The following NELL2 variants were observed in gnomAD, a reference collection of about 807,000 sequenced individuals.
NELL2 encodes neural EGFL like 2.
Under a neutral mutation model 109.6 loss-of-function variants are expected in NELL2, and 41 were observed. That is an observed-to-expected ratio of 0.37 (90% CI 0.29 to 0.49). The LOEUF (loss-of-function observed/expected upper bound fraction) is 0.49, where lower values mean the gene tolerates loss of function less well. Among genes scored for constraint, NELL2 ranks in the 20% least tolerant of loss-of-function variants. NELL2 has a pLI of 0.98. For synonymous variants in NELL2, 355 were observed against 344.7 expected (o/e 1.03, Z -0.33); for missense variants, 900 against 1,008.3 (o/e 0.89, Z 1.45).
At chr12:44,745,728 T>C (rs1031928522) in intron 9 of NELL2, among the ~76,000 whole-genome samples, 2 of 152,106 alleles carry the variant, frequency 1.3e-5, no homozygotes, top group Non-Finnish European at 2.9e-5. Context: ...TACCTGGGAA[T>C]CCAACTTAGA....
At chr12:44,819,363 C>T (rs1017730534) in intron 2 of NELL2, among the ~76,000 whole-genome samples, 4 of 152,188 alleles carry the variant, frequency 2.6e-5, no homozygotes, top group Non-Finnish European at 5.9e-5. Context: ...TTAGATTTCA[C>T]ATATTTTAAA....
intron 3 of NELL2, among the ~76,000 whole-genome samples, chr12:44,808,823 T>C (rs1943085025): frequency 6.6e-6 from 1 of 151,994 alleles, no homozygotes; most frequent in South Asian, 2.1e-4. Flanking sequence ...CATACATAAA[T>C]ACATTTTTAC....
chr12:44,585,636 G>A (rs988247593), intron 15 of NELL2, among the ~76,000 whole-genome samples: 1 of 152,094 alleles, frequency 6.6e-6, no homozygotes, highest in Non-Finnish European at 1.5e-5. Flanking sequence ...GTAGTAAGTA[G>A]TAATAGCAAG....
intron 1 of NELL2, among the ~76,000 whole-genome samples, chr12:44,904,385 T>C (rs1367868155): frequency 2.6e-5 from 4 of 152,174 alleles, no homozygotes; most frequent in Non-Finnish European, 5.9e-5. Flanking sequence ...TAAAGGAATA[T>C]GTGTAGAAGT....
chr12:44,700,782 G>C (rs963413585), intron 12 of NELL2, among the ~76,000 whole-genome samples: 7 of 152,028 alleles, frequency 4.6e-5, no homozygotes, highest in African/African-American at 1.7e-4. Context: ...TATCTTCTTC[G>C]CCTGACAGAA....
intron 1 of NELL2, among the ~76,000 whole-genome samples, chr12:44,882,312 AAAC>A (rs2136859359): frequency 6.6e-6 from 1 of 151,848 alleles, no homozygotes; most frequent in African/African-American, 2.4e-5. Context: ...TGGTGGATTA[AAAC>A]AACACAGATT....
At chr12:44,575,218 G>C (rs1267373566) in intron 15 of NELL2, among the ~76,000 whole-genome samples, 1 of 152,160 alleles carries the variant, frequency 6.6e-6, no homozygotes, top group Admixed American at 6.5e-5. Flanking sequence ...AGAAATTCGT[G>C]AGCACAATGG....
At chr12:44,720,053 A>C (rs1938688280) in intron 9 of NELL2, among the ~76,000 whole-genome samples, 1 of 152,156 alleles carries the variant, frequency 6.6e-6, no homozygotes, top group African/African-American at 2.4e-5. Flanking sequence ...AACTGGACTC[A>C]CTTGGAGTCA....
chr12:44,552,276 C>A (rs1943069420), intron 15 of NELL2, among the ~76,000 whole-genome samples: 2 of 152,152 alleles, frequency 1.3e-5, no homozygotes, highest in Non-Finnish European at 2.9e-5. Flanking sequence ...TTTCCCTCTT[C>A]ATTCTTCAAT....
At chr12:44,524,447 G>C (rs746527795) in intron 16 of NELL2, among the ~76,000 whole-genome samples, 1 of 152,172 alleles carries the variant, frequency 6.6e-6, no homozygotes, top group Non-Finnish European at 1.5e-5. Context: ...ATTAAATCAT[G>C]GCAGAAGTGG....
intron 15 of NELL2, among the ~76,000 whole-genome samples, chr12:44,540,962 T>C (rs977435912): frequency 6.6e-5 from 10 of 151,718 alleles, no homozygotes; most frequent in Admixed American, 4.6e-4. Context: ...ATAGAGATAA[T>C]TGGCCGGGCG....
chr12:44,838,265 C>T (rs1476507330), intron 2 of NELL2, among the ~76,000 whole-genome samples: 1 of 152,048 alleles, frequency 6.6e-6, no homozygotes, highest in African/African-American at 2.4e-5. Flanking sequence ...TGGTGTTCCC[C>T]AGTGCACAAA....
At chr12:44,795,899 T>G (rs1211325961) in intron 3 of NELL2, among the ~76,000 whole-genome samples, 1 of 152,128 alleles carries the variant, frequency 6.6e-6, no homozygotes, top group Non-Finnish European at 1.5e-5. Context: ...GCATCCCTTA[T>G]TAGAAATATC....
In NELL2 at chr12:44,875,857, C is replaced by G; in HGVS notation, c.13G>C (p.Val5Leu). The G allele has an allele frequency of 6.2e-7, 1 of 1,613,998 alleles. No individual in the cohort carries two copies. The highest frequency in any genetic ancestry group is 8.5e-7 in the Non-Finnish European group (1 of 1,180,040). The change falls in exon 1 of 20, where the codon GTC becomes CTC. Residue 5 changes from valine to leucine, a missense_variant. By Grantham distance (32) the Val-to-Leu change is conservative. Around this residue, in one of 4 missense-constraint regions of NELL2, gnomAD observed 200 missense variants for 191.8 expected, o/e 1.04. Coordinates refer to ENST00000429094, the MANE Select transcript of NELL2 (RefSeq NM_001145108.2). ...ATCAAACAGAATGTTCTCAGTAAGA[C>G]CCGAGACTCCATGGTGCGGATCAGC... MESR[V>L]LLRTFCLIFG...
At chr12:44,782,598 T>C (rs1942005739) in intron 3 of NELL2, among the ~76,000 whole-genome samples, 1 of 151,896 alleles carries the variant, frequency 6.6e-6, no homozygotes, top group African/African-American at 2.4e-5. Context: ...GAAATGGCTA[T>C]ATTAATTTCA....
Position 44,585,373 on chromosome 12 carries a change from A to T in NELL2, c.1663+21796T>A, listed in dbSNP as rs191148117. Among the ~76,000 whole-genome samples, 50 of 152,194 alleles carry T rather than the reference A, an allele frequency of 3.3e-4. No individual in the cohort carries two copies. The East Asian group carries it at 8.5e-3, about 26-fold the overall frequency. On this transcript the variant is annotated intron_variant, in intron 15 of 19. Transcript: ENST00000429094. ...TCCCAGAACTTTGGGAGGCTGAGGG[A>T]GGCGGATCATCTGAGGTCAGGAGTT... is the stretch of plus-strand genomic sequence containing the variant.
intron 12 of NELL2, among the ~76,000 whole-genome samples, chr12:44,683,635 G>A (rs1332390221): frequency 6.6e-6 from 1 of 152,016 alleles, no homozygotes; most frequent in East Asian, 1.9e-4. Flanking sequence ...ATGAAGGGTT[G>A]CTGAATTTTG....
chr12:44,632,779 C>T (rs1202753980), intron 13 of NELL2, among the ~76,000 whole-genome samples: 1 of 151,804 alleles, frequency 6.6e-6, no homozygotes, highest in African/African-American at 2.4e-5. Context: ...GAAGAGATAC[C>T]CTGACCAAAT....
chr12:44,825,022 T>C (rs1351910014), intron 2 of NELL2, among the ~76,000 whole-genome samples: 6 of 152,166 alleles, frequency 3.9e-5, no homozygotes, highest in African/African-American at 1.2e-4. Flanking sequence ...TAGTGTAATA[T>C]ACTAAAGTCA....
Sources: gnomAD v4.1 joint callset for allele counts (sites outside exome capture counted in the v4.1 genomes callset) on GRCh38, gnomAD v4.1.1 for gene constraint, gnomAD v4.1.1 regional missense constraint, MANE v1.5 for transcripts, NCBI Gene and HGNC (gene_info 2026-07-23, HGNC 2026-07-21) for gene names.